The following PPP2R2C variants were observed in gnomAD, a reference collection of about 807,000 sequenced individuals.
PPP2R2C encodes the protein protein phosphatase 2 regulatory subunit Bgamma.
PPP2R2C carries 10 observed loss-of-function variants against 45.3 expected under a neutral mutation model. That is an observed-to-expected ratio of 0.22 (90% CI 0.14 to 0.37). The LOEUF (loss-of-function observed/expected upper bound fraction) is 0.37, where lower values mean the gene tolerates loss of function less well. Ranked by LOEUF, PPP2R2C falls within the 10% of genes least tolerant of loss-of-function variation. PPP2R2C has a pLI of 1.00. For missense variants in PPP2R2C, 308 were observed against 619.7 expected, an observed-to-expected ratio of 0.50 and a Z score of 5.34; for synonymous variants, 257 against 245.4, an observed-to-expected ratio of 1.05 and a Z score of -0.44.
intron 1 of PPP2R2C, among the ~76,000 whole-genome samples, chr4:6,398,494 T>A (rs1226761842): frequency 2.0e-5 from 3 of 152,044 alleles, no homozygotes; most frequent in African/African-American, 7.2e-5. Flanking sequence ...AGGAAGCACA[T>A]GGCAAGGGGC....
chr4:6,395,173 C>A (rs1450037163), intron 1 of PPP2R2C, among the ~76,000 whole-genome samples: 1 of 152,152 alleles, frequency 6.6e-6, no homozygotes, highest in African/African-American at 2.4e-5. Context: ...TTCCATGGCT[C>A]CCCACTGCCC....
chr4:6,554,963 G>GA lies in PPP2R2C; in HGVS notation c.-59+8596dup, dbSNP rs58749548. On this transcript the variant is annotated intron_variant, in intron 1 of 9. Transcript: ENST00000506140. The stretch of plus-strand genomic sequence containing the variant: ...AGAAAGAAAGAAAGAAAGAAAGAAA[G>GA]AAAGAGAAAGAAAGAAAAGAGAAGA... 8.0e-3 allele frequency among the ~76,000 whole-genome samples: 1,064 copies of GA among 133,386 alleles called. 32 individuals carry two copies. The East Asian group carries it at 0.11, about 14-fold the overall frequency. The allele number at this position is 133,386 out of a possible 152,430, so 87.5% of individuals were successfully genotyped here. A position where few individuals can be genotyped will look rare whatever the true frequency, so the allele number is the denominator to read the frequency against.
At chr4:6,483,251 T>G (rs1355864782) in intron 2 of PPP2R2C, among the ~76,000 whole-genome samples, 2 of 152,200 alleles carry the variant, frequency 1.3e-5, no homozygotes, top group African/African-American at 2.4e-5. Flanking sequence ...TTTTCTTTTC[T>G]TGCAATTTTC....
intron 2 of PPP2R2C, among the ~76,000 whole-genome samples, chr4:6,510,968 C>T (rs1307460648): frequency 2.2e-5 from 3 of 133,480 alleles, no homozygotes; most frequent in Non-Finnish European, 4.7e-5. Context: ...CAGAGTGAGA[C>T]TCCGTCTCAA....
At chr4:6,387,594 T>A (rs1716302046) in intron 1 of PPP2R2C, among the ~76,000 whole-genome samples, 1 of 152,124 alleles carries the variant, frequency 6.6e-6, no homozygotes, top group Non-Finnish European at 1.5e-5. Flanking sequence ...GTGGATCACC[T>A]GAGCTCAGGA....
At chr4:6,415,455 G>A (rs1176387805) in intron 1 of PPP2R2C, among the ~76,000 whole-genome samples, 3 of 152,170 alleles carry the variant, frequency 2.0e-5, no homozygotes, top group Non-Finnish European at 4.4e-5. Flanking sequence ...GTGACACTTT[G>A]AAAACCACCT....
At chr4:6,446,461 C>T (rs184222845) in intron 1 of PPP2R2C, among the ~76,000 whole-genome samples, 5 of 152,266 alleles carry the variant, frequency 3.3e-5, no homozygotes, top group Non-Finnish European at 4.4e-5. Context: ...GCAAAGATCA[C>T]GTTGCCTCCC....
chr4:6,423,378 G>A (rs972999148), intron 1 of PPP2R2C, among the ~76,000 whole-genome samples: 9 of 152,068 alleles, frequency 5.9e-5, no homozygotes, highest in Non-Finnish European at 1.2e-4. Context: ...TAATTTTTGT[G>A]TTTTTAGTAG....
intron 2 of PPP2R2C, among the ~76,000 whole-genome samples, chr4:6,496,858 T>C (rs1722894161): frequency 1.6e-5 from 2 of 128,482 alleles, no homozygotes; most frequent in Admixed American, 1.7e-4. Context: ...CAAAACTCCA[T>C]CTCAAAATAA....
chr4:6,400,881 C>T (rs541181189), intron 1 of PPP2R2C, among the ~76,000 whole-genome samples: 30 of 152,306 alleles, frequency 2.0e-4, no homozygotes, highest in African/African-American at 6.3e-4. Flanking sequence ...GCCTCGCTTC[C>T]GCTCATGCAG....
At chr4:6,384,305 C>T in intron 1 of PPP2R2C, 1 of 985,394 alleles carries the variant, frequency 1.0e-6, no homozygotes, top group Non-Finnish European at 1.2e-6. Flanking sequence ...TTGTAATGAT[C>T]TACATCAGTG....
intron 6 of PPP2R2C, among the ~76,000 whole-genome samples, chr4:6,347,395 C>A (rs750782751): frequency 3.9e-5 from 6 of 152,116 alleles, no homozygotes; most frequent in Non-Finnish European, 7.4e-5. Flanking sequence ...GGACATGTTA[C>A]AGACCCTGCT....
rs1223081090 is a variant in PPP2R2C, at chr4:6,527,370, TGTGCACCCCTGAGCA to T, written c.49+7886_49+7900del. 4.6e-5 allele frequency among the ~76,000 whole-genome samples: 7 copies of T among 152,186 alleles called. No individual in the cohort carries two copies. In the South Asian group the frequency reaches 6.2e-4, roughly 14 times the overall value. On this transcript the variant is annotated intron_variant, in intron 2 of 9. Coordinates refer to the PPP2R2C transcript ENST00000506140. Reference sequence around the variant, plus strand: ...GTGTGAGATAAACCCACAGAGCTGCTGTGCACCCCTGAGCAGTGCCAGGCGGAACAGAACACCCCT... The same window carrying T: ...GTGTGAGATAAACCCACAGAGCTGCTGTGCCAGGCGGAACAGAACACCCCT...
intron 5 of PPP2R2C, among the ~76,000 whole-genome samples, chr4:6,348,243 A>G (rs1712189124): frequency 1.3e-5 from 2 of 151,404 alleles, no homozygotes; most frequent in Non-Finnish European, 2.9e-5. Flanking sequence ...AGCTGGACCC[A>G]CCACTTCCCT....
In PPP2R2C at chr4:6,382,416, C is replaced by G; in HGVS notation, c.71-1322G>C. On this transcript the variant is annotated intron_variant, in intron 1 of 8. Coordinates refer to ENST00000382599, the MANE Select transcript of PPP2R2C (RefSeq NM_020416.4). ...AGGACACTCCACAGGGTTCCCTGTC[C>G]CAGCCTCTGTTCTCCCTCTGGCGGC... The G allele has an allele frequency of 2.2e-6, 3 of 1,351,868 alleles. No homozygotes were observed. The South Asian group carries it at 3.4e-5, about 15-fold the overall frequency. The allele number at this position is 1,351,868 out of a possible 1,614,324, so 83.7% of individuals were successfully genotyped here. A position where few individuals can be genotyped will look rare whatever the true frequency, so the allele number is the denominator to read the frequency against.
intron 5 of PPP2R2C, chr4:6,349,362 C>A (rs1712318779): frequency 1.0e-6 from 1 of 971,102 alleles, no homozygotes; most frequent in African/African-American, 1.8e-5. Flanking sequence ...GCTTCCTCAT[C>A]TGTAAAATGA....
chr4:6,423,152 T>C (rs2109395960), intron 1 of PPP2R2C, among the ~76,000 whole-genome samples: 1 of 152,330 alleles, frequency 6.6e-6, no homozygotes, highest in South Asian at 2.1e-4. Context: ...ACCTACTGTG[T>C]GTCAGGCTCT....
At chr4:6,477,174 G>C (rs1722189321), upstream of PPP2R2C, among the ~76,000 whole-genome samples, 1 of 152,158 alleles carries the variant, frequency 6.6e-6, no homozygotes, top group African/African-American at 2.4e-5. Flanking sequence ...CTTGAGCCTT[G>C]GAGACAGGGG....
At chr4:6,512,938 C>T (rs1185778157) in intron 2 of PPP2R2C, among the ~76,000 whole-genome samples, 4 of 151,990 alleles carry the variant, frequency 2.6e-5, no homozygotes, top group African/African-American at 9.7e-5. Context: ...ATTTAAAATG[C>T]TGATTTAACA....
Sources: allele counts gnomAD v4.1 joint callset (sites outside exome capture counted in the v4.1 genomes callset), GRCh38; gene constraint gnomAD v4.1.1; transcripts MANE v1.5; gene names NCBI Gene and HGNC (gene_info 2026-07-23, HGNC 2026-07-21).